The following UBXN7 variants were observed in gnomAD, a reference collection of about 807,000 sequenced individuals.
UBXN7 encodes UBX domain-containing protein 7.
Under a neutral mutation model 58.0 loss-of-function variants are expected in UBXN7, and 9 were observed. That is an observed-to-expected ratio of 0.16 (90% CI 0.09 to 0.27). The LOEUF is 0.27. Ranked by LOEUF, UBXN7 falls within the 10% of genes least tolerant of loss-of-function variation. The pLI, the probability that UBXN7 is intolerant of heterozygous loss-of-function variation, is 1.00. For synonymous variants in UBXN7, 208 were observed against 205.0 expected (o/e 1.01, Z -0.12); for missense variants, 328 against 599.6 (o/e 0.55, Z 4.73).
intron 5 of UBXN7, among the ~76,000 whole-genome samples, chr3:196,372,328 T>TCTCTCTCTCTCTCTC (rs1173128048): frequency 9.6e-6 from 1 of 103,868 alleles, no homozygotes; most frequent in Non-Finnish European, 2.2e-5. Flanking sequence ...CTCTCTCTCC[T>TCTCTCTCTCTCTCTC]TTCTTTCTTT....
At chr3:196,389,765 G>A (rs1271391774) in intron 5 of UBXN7, among the ~76,000 whole-genome samples, 2 of 152,098 alleles carry the variant, frequency 1.3e-5, no homozygotes, top group African/African-American at 4.8e-5. Context: ...CCCAGTCTCA[G>A]GGATTCCTTT....
chr3:196,431,907 GA>G (rs1413260160), intron 1 of UBXN7: 6 of 357,744 alleles, frequency 1.7e-5, no homozygotes, highest in Non-Finnish European at 3.3e-5. Context: ...GGGAAGAAAG[GA>G]AAAAAGGAGG....
rs1333853008 is a variant in UBXN7 at position 196,351,161 on chromosome 3, T to C, written c.*5524A>G. The C allele has an allele frequency of 6.6e-6, 1 of 152,242 alleles. No homozygotes were observed. Among genetic ancestry groups the C allele is most frequent in the East Asian group, 1.9e-4 (1 of 5,202 alleles). 9.4% of individuals were successfully genotyped at this position (152,242 alleles called of 1,614,324 possible). A position where few individuals can be genotyped will look rare whatever the true frequency, so the allele number is the denominator to read the frequency against. ...AAAAAACATTTTTAAGTCAGCCTAA[T>C]TGTATCTTTAAAAAGCTGTTTCTGC... On this transcript the variant is annotated 3_prime_UTR_variant, in exon 11 of 11. Transcript: ENST00000296328.
At chr3:196,394,780 T>C (rs1034263072) in intron 3 of UBXN7, among the ~76,000 whole-genome samples, 1 of 152,176 alleles carries the variant, frequency 6.6e-6, no homozygotes, top group African/African-American at 2.4e-5. Context: ...TTAAGGACTA[T>C]TTCTTAGGGA....
At chr3:196,386,337 C>T (rs1169295039) in intron 5 of UBXN7, among the ~76,000 whole-genome samples, 2 of 140,094 alleles carry the variant, frequency 1.4e-5, no homozygotes, top group Non-Finnish European at 3.0e-5. Flanking sequence ...GACCCTGCCA[C>T]ATCCCCCTCT....
chr3:196,429,449 A>G (rs1730953717), intron 1 of UBXN7, among the ~76,000 whole-genome samples: 1 of 152,162 alleles, frequency 6.6e-6, no homozygotes, highest in Admixed American at 6.5e-5. Context: ...TCTAAATGCC[A>G]AAAAAAGATA....
intron 9 of UBXN7, 36 bp from the exon 10 acceptor site, chr3:196,361,959 AT>A: frequency 6.6e-7 from 1 of 1,521,838 alleles, no homozygotes; most frequent in Non-Finnish European, 9.1e-7. Flanking sequence ...AAAAAACGGG[AT>A]ACAGGAGTTT....
chr3:196,417,176 G>A (rs555292389), intron 1 of UBXN7, among the ~76,000 whole-genome samples: 6 of 152,144 alleles, frequency 3.9e-5, no homozygotes, highest in Non-Finnish European at 1.5e-5. Context: ...AGCCGGGCGT[G>A]GTGGCGGGCG....
intron 3 of UBXN7, among the ~76,000 whole-genome samples, chr3:196,402,255 G>A (rs990156065): frequency 2.6e-5 from 4 of 152,044 alleles, no homozygotes; most frequent in Non-Finnish European, 5.9e-5. Flanking sequence ...TCCCGGCCTC[G>A]AGTGATCTGC....
intron 1 of UBXN7, among the ~76,000 whole-genome samples, chr3:196,423,867 C>T (rs1730762457): frequency 6.6e-6 from 1 of 150,754 alleles, no homozygotes; most frequent in Non-Finnish European, 1.5e-5. Context: ...CTAATTATTC[C>T]ATTTACAAAA....
chr3:196,377,447 C>G (rs1196458674), intron 5 of UBXN7, among the ~76,000 whole-genome samples: 2 of 152,178 alleles, frequency 1.3e-5, no homozygotes, highest in Admixed American at 1.3e-4. Context: ...CTTCCTAATA[C>G]AGTCCTTTCT....
chr3:196,356,052 A>T lies in UBXN7; in HGVS notation c.*633T>A, dbSNP rs576727230. ...TGCCAATAACACATGTCATGGAAATAGTCCTTATAGCTGGGAACATGAAAA... is the reference window on the plus strand; with the variant it reads ...TGCCAATAACACATGTCATGGAAATTGTCCTTATAGCTGGGAACATGAAAA... On this transcript the variant is annotated 3_prime_UTR_variant, in exon 11 of 11. Coordinates refer to ENST00000296328, the MANE Select transcript of UBXN7 (RefSeq NM_015562.2). The T allele has an allele frequency of 6.6e-6, 1 of 152,668 alleles. No homozygotes were observed. Among genetic ancestry groups the T allele is most frequent in the Non-Finnish European group, 1.5e-5 (1 of 68,060 alleles). 9.5% of individuals were successfully genotyped at this position (152,668 alleles called of 1,614,324 possible).
intron 9 of UBXN7, 142 bp downstream of exon 9, chr3:196,362,152 C>G: frequency 8.4e-7 from 1 of 1,194,572 alleles, no homozygotes; most frequent in Non-Finnish European, 1.2e-6. Context: ...TGCCACCACA[C>G]CTGGCTAAGT....
intron 9 of UBXN7, 65 bp from the exon 10 acceptor site, chr3:196,361,988 T>TA: frequency 7.1e-7 from 1 of 1,416,698 alleles, no homozygotes; most frequent in East Asian, 2.4e-5. Context: ...AATATTAGTT[T>TA]AAATAAATAT....
chr3:196,369,119 C>G (rs1385021008), intron 7 of UBXN7, among the ~76,000 whole-genome samples: 1 of 152,018 alleles, frequency 6.6e-6, no homozygotes, highest in Non-Finnish European at 1.5e-5. Flanking sequence ...CCACCACGCC[C>G]AGCTGGTAAA....
intron 5 of UBXN7, among the ~76,000 whole-genome samples, chr3:196,373,968 AG>A (rs1398505956): frequency 2.0e-5 from 3 of 152,234 alleles, no homozygotes; most frequent in African/African-American, 7.2e-5. Context: ...AACTGGTCAA[AG>A]GCTTATTTTA....
intron 5 of UBXN7, among the ~76,000 whole-genome samples, chr3:196,373,963 GTCAAAGGCTTAT>G (rs1728916955): frequency 6.6e-6 from 1 of 152,166 alleles, no homozygotes; most frequent in East Asian, 1.9e-4. Flanking sequence ...CATTTAACTG[GTCAAAGGCTTAT>G]TTTAAAATAT....
At chr3:196,422,668 A>G (rs1730724958) in intron 1 of UBXN7, among the ~76,000 whole-genome samples, 1 of 152,022 alleles carries the variant, frequency 6.6e-6, no homozygotes, top group Admixed American at 6.6e-5. Flanking sequence ...ATACTTTCCA[A>G]AGTGACTTTG....
intron 9 of UBXN7, 110 bp downstream of exon 9, chr3:196,362,184 G>C: frequency 7.2e-7 from 1 of 1,385,322 alleles, no homozygotes; most frequent in Non-Finnish European, 9.8e-7. Context: ...AGTAGAGACA[G>C]GGTTTTGCCA....
Sources: allele counts gnomAD v4.1 joint callset (sites outside exome capture counted in the v4.1 genomes callset), GRCh38; gene constraint gnomAD v4.1.1; transcripts MANE v1.5; gene names NCBI Gene and HGNC (gene_info 2026-07-23, HGNC 2026-07-21).